GRAMD2B: variants seen among roughly 807,000 people sequenced by gnomAD.
GRAMD2B encodes GRAM domain containing 2B.
GRAMD2B carries 41 observed loss-of-function variants against 59.2 expected under a neutral mutation model. That is an observed-to-expected ratio of 0.69 (90% CI 0.54 to 0.90). The LOEUF is 0.90. Ranked by LOEUF, GRAMD2B falls within the 40% of genes least tolerant of loss-of-function variation. The pLI, the probability that GRAMD2B is intolerant of heterozygous loss-of-function variation, is 0.00. For missense variants in GRAMD2B, 424 were observed against 500.5 expected, an observed-to-expected ratio of 0.85 and a Z score of 1.46; for synonymous variants, 161 against 182.7, an observed-to-expected ratio of 0.88 and a Z score of 0.96.
intron 1 of GRAMD2B, among the ~76,000 whole-genome samples, chr5:126,401,230 A>C (rs1032824317): frequency 1.3e-4 from 20 of 151,974 alleles, no homozygotes; most frequent in African/African-American, 4.1e-4. Flanking sequence ...TTGTTGCTTA[A>C]GCTCTCTATT....
intron 1 of GRAMD2B, among the ~76,000 whole-genome samples, chr5:126,444,941 T>TAGAA (rs1032269154): frequency 6.6e-6 from 1 of 152,226 alleles, no homozygotes; most frequent in South Asian, 2.1e-4. Context: ...AGTGAGAACA[T>TAGAA]ACGGTGTTTG....
chr5:126,366,052 A>G (rs770115896), intron 1 of GRAMD2B, among the ~76,000 whole-genome samples: 19 of 152,182 alleles, frequency 1.2e-4, no homozygotes, highest in Admixed American at 3.3e-4. Flanking sequence ...AACTCCCTCT[A>G]AAGTCATGAG....
At chr5:126,441,922 G>A (rs527248082) in intron 1 of GRAMD2B, among the ~76,000 whole-genome samples, 225 of 151,960 alleles carry the variant, frequency 1.5e-3, no homozygotes, top group African/African-American at 5.2e-3. Flanking sequence ...GTTTCCTCGC[G>A]TTAAAAATTT....
chr5:126,467,729 T>C (rs1290276060), intron 2 of GRAMD2B: 17 of 152,226 alleles, frequency 1.1e-4, no homozygotes, highest in Non-Finnish European at 1.6e-4. Flanking sequence ...CAAAAAAATG[T>C]AATCCCTAGA....
chr5:126,449,714 T>C (rs890103631), intron 1 of GRAMD2B, among the ~76,000 whole-genome samples: 1 of 152,222 alleles, frequency 6.6e-6, no homozygotes, highest in African/African-American at 2.4e-5. Flanking sequence ...AAAAGAATCC[T>C]GAGCTGTAAT....
At position 126,493,166 on chromosome 5, in the gene GRAMD2B, G is replaced by C. The variant is rs557483355; in HGVS notation, c.*210G>C. On this transcript the variant is annotated 3_prime_UTR_variant, in exon 14 of 14. Transcript: ENST00000285689. ...TAAAAGTTGACCTTGACTCTCTGAGGAAGATTTTGCTGCTTTTGCCTGAAG... is the reference window on the plus strand; with the variant it reads ...TAAAAGTTGACCTTGACTCTCTGAGCAAGATTTTGCTGCTTTTGCCTGAAG... 83 of 553,502 alleles carry C rather than the reference G, an allele frequency of 1.5e-4. 1 individual carries two copies. The South Asian group carries it at 2.0e-3, about 13-fold the overall frequency. 34.3% of individuals were successfully genotyped at this position (553,502 alleles called of 1,614,324 possible). A position where few individuals can be genotyped will look rare whatever the true frequency, so the allele number is the denominator to read the frequency against.
At chr5:126,475,037 C>T (rs1167711662) in intron 5 of GRAMD2B, among the ~76,000 whole-genome samples, 1 of 152,182 alleles carries the variant, frequency 6.6e-6, no homozygotes, top group African/African-American at 2.4e-5. Flanking sequence ...GCTGAAGGCA[C>T]CCAAACAATT....
chr5:126,390,264 C>T (rs970473383), intron 1 of GRAMD2B, among the ~76,000 whole-genome samples: 1 of 152,046 alleles, frequency 6.6e-6, no homozygotes, highest in Non-Finnish European at 1.5e-5. Flanking sequence ...GCTTCTGTAC[C>T]CATGAACACC....
chr5:126,384,695 C>G (rs559142643), intron 1 of GRAMD2B, among the ~76,000 whole-genome samples: 67 of 152,346 alleles, frequency 4.4e-4, no homozygotes, highest in African/African-American at 1.6e-3. Context: ...TGTTGCCCTT[C>G]CTTGTGCCCA....
chr5:126,466,626 A>T (rs1204417001), intron 2 of GRAMD2B, among the ~76,000 whole-genome samples: 1 of 152,284 alleles, frequency 6.6e-6, no homozygotes, highest in East Asian at 1.9e-4. Context: ...GGGTTTCACC[A>T]TGTTGACCAG....
chr5:126,432,329 G>A (rs759736570), intron 1 of GRAMD2B, among the ~76,000 whole-genome samples: 2 of 152,062 alleles, frequency 1.3e-5, no homozygotes, highest in African/African-American at 4.8e-5. Flanking sequence ...TTCACATTAC[G>A]CCCAACTTGT....
rs1455970498 is a variant in GRAMD2B at position 126,480,458 on chromosome 5, C to T, written c.585C>T (p.Tyr195=). ...ALIIATVTDR[Y]IFVSLLSRDS... ...AATTATCCTGTTTTGTTTTTCAGTA[C>T]ATATTTGTCTCCTTACTCTCCAGAG... The change falls in exon 7 of 14, where the codon TAC becomes TAT. Residue 195 remains tyrosine, a splice_region_variant and synonymous_variant. Coordinates refer to ENST00000285689, the MANE Select transcript of GRAMD2B (RefSeq NM_023927.4). 1 of 1,606,260 alleles carries T rather than the reference C, an allele frequency of 6.2e-7. No individual in the cohort carries two copies. Among genetic ancestry groups the T allele is most frequent in the Admixed American group, 1.7e-5 (1 of 60,008 alleles).
intron 2 of GRAMD2B, among the ~76,000 whole-genome samples, chr5:126,469,424 T>G (rs1769114939): frequency 6.6e-6 from 1 of 152,138 alleles, no homozygotes; most frequent in Non-Finnish European, 1.5e-5. Context: ...GGTAGATTGC[T>G]TAAGTCCGGG....
intron 1 of GRAMD2B, among the ~76,000 whole-genome samples, chr5:126,431,835 T>C (rs553051103): frequency 1.3e-5 from 2 of 152,206 alleles, no homozygotes; most frequent in Non-Finnish European, 1.5e-5. Context: ...CTGGAAGATA[T>C]TCCTTCTTTT....
At chr5:126,440,440 T>A (rs1233932704) in intron 1 of GRAMD2B, among the ~76,000 whole-genome samples, 1 of 152,158 alleles carries the variant, frequency 6.6e-6, no homozygotes, top group Non-Finnish European at 1.5e-5. Context: ...TAGCTTATCA[T>A]GATGAAGCTA....
At chr5:126,375,376 T>A (rs966178941) in intron 1 of GRAMD2B, among the ~76,000 whole-genome samples, 2 of 151,256 alleles carry the variant, frequency 1.3e-5, no homozygotes, top group Admixed American at 1.3e-4. Flanking sequence ...ATCTTTTTGT[T>A]TTTTTTTTTC....
At chr5:126,368,103 C>G (rs1310098756), upstream of GRAMD2B, among the ~76,000 whole-genome samples, 1 of 149,392 alleles carries the variant, frequency 6.7e-6, no homozygotes, top group African/African-American at 2.5e-5. Flanking sequence ...ATAAAAGAGT[C>G]TCTGTGATTT....
At chr5:126,396,070 A>C (rs977448169) in intron 1 of GRAMD2B, among the ~76,000 whole-genome samples, 2 of 152,112 alleles carry the variant, frequency 1.3e-5, no homozygotes, top group Non-Finnish European at 2.9e-5. Flanking sequence ...ATATTTTGTC[A>C]TTTTTATAAA....
intron 1 of GRAMD2B, among the ~76,000 whole-genome samples, chr5:126,394,106 C>T (rs968229238): frequency 2.0e-5 from 3 of 149,016 alleles, no homozygotes; most frequent in Non-Finnish European, 4.5e-5. Flanking sequence ...AACCCTGTCT[C>T]TACTAAAAAT....
Sources: allele counts gnomAD v4.1 joint callset (sites outside exome capture counted in the v4.1 genomes callset), GRCh38; gene constraint gnomAD v4.1.1; transcripts MANE v1.5; gene names NCBI Gene and HGNC (gene_info 2026-07-23, HGNC 2026-07-21).